The following GFPT2 variants were observed in gnomAD, a reference collection of about 807,000 sequenced individuals.
GFPT2 encodes the protein glutamine--fructose-6-phosphate transaminase 2, also known as glutamine--fructose-6-phosphate aminotransferase [isomerizing] 2.
GFPT2 carries 62 observed loss-of-function variants against 85.6 expected under a neutral mutation model. That is an observed-to-expected ratio of 0.72 (90% confidence interval 0.59 to 0.90). The LOEUF is 0.90. Among genes scored for constraint, GFPT2 ranks in the 40% least tolerant of loss-of-function variants. The pLI is 0.00. For missense variants in GFPT2, 788 were observed against 893.4 expected (o/e 0.88, Z 1.50); for synonymous variants, 368 against 344.5 (o/e 1.07, Z -0.75).
At chr5:180,322,568 A>G (rs192788321) in intron 9 of GFPT2, among the ~76,000 whole-genome samples, 2 of 152,346 alleles carry the variant, frequency 1.3e-5, no homozygotes, top group Admixed American at 1.3e-4. Flanking sequence ...TCCCACTTGA[A>G]CCAGATACAG....
chr5:180,349,878 GTTTTT>G (rs61294953), intron 1 of GFPT2, among the ~76,000 whole-genome samples: 2 of 146,056 alleles, frequency 1.4e-5, no homozygotes, highest in Admixed American at 1.4e-4. Context: ...CACAGTGATT[GTTTTT>G]TTTTTTTTCT....
intron 2 of GFPT2, among the ~76,000 whole-genome samples, chr5:180,337,081 T>G (rs1166066482): frequency 6.6e-6 from 1 of 152,198 alleles, no homozygotes; most frequent in Non-Finnish European, 1.5e-5. Flanking sequence ...AACATCCACC[T>G]TTGCAGTGAA....
At chr5:180,346,428 G>A (rs945071497) in intron 1 of GFPT2, among the ~76,000 whole-genome samples, 15 of 152,176 alleles carry the variant, frequency 9.9e-5, no homozygotes, top group Admixed American at 8.5e-4. Flanking sequence ...CCACGGGACA[G>A]TCCAGCTTCC....
chr5:180,322,393 T>C (rs1309569455), intron 9 of GFPT2, among the ~76,000 whole-genome samples: 2 of 152,238 alleles, frequency 1.3e-5, no homozygotes, highest in Non-Finnish European at 2.9e-5. Context: ...TAAATTTCTG[T>C]AGACTTCTCC....
At chr5:180,320,336 T>C (rs376812041) in intron 9 of GFPT2, among the ~76,000 whole-genome samples, 4 of 152,206 alleles carry the variant, frequency 2.6e-5, no homozygotes, top group African/African-American at 9.6e-5. Flanking sequence ...AAAAGAATAA[T>C]GATTTTTTTC....
In GFPT2 at chr5:180,324,077, T is replaced by C. The variant is rs1764167226; in HGVS notation, c.794+111A>G. ...CTGAACTCTTCTTTGGCCCTGCGAC[T>C]TGCTGAGCCACGATAGCTCACATGG... On this transcript the variant is annotated intron_variant, in intron 9 of 18. Transcript: ENST00000253778. 4.2e-6 allele frequency: 3 copies of C among 722,136 alleles called. No individual in the cohort carries two copies. In the Admixed American group the frequency reaches 7.0e-5, roughly 17 times the overall value. The allele number at this position is 722,136 out of a possible 1,614,324, so 44.7% of individuals were successfully genotyped here. A position where few individuals can be genotyped will look rare whatever the true frequency, so the allele number is the denominator to read the frequency against.
rs369235741 is a variant in GFPT2, at chr5:180,330,757, G to C, written c.477C>G (p.Asn159Lys). 3.7e-6 allele frequency: 6 copies of C among 1,612,618 alleles called. No homozygotes were observed. Among genetic ancestry groups the C allele is most frequent in the African/African-American group, 2.7e-5 (2 of 74,912 alleles). ...AAAACGTAATGTCCTCAGTTTCTCT[G>C]TTGTCGAACACATATTTAATCAGCT... ...IAKLIKYVFD[N>K]RETEDITFST... is the part of the protein sequence containing the mutation. The change falls in exon 6 of 19, where the codon AAC becomes AAG. Residue 159 changes from asparagine (N) to lysine (K), a missense_variant. Coordinates refer to ENST00000253778, the MANE Select transcript of GFPT2 (RefSeq NM_005110.4). The surrounding 1 kb of genome is among the most constrained non-coding windows in gnomAD (Gnocchi z 4.4).
chr5:180,334,691 C>T (rs887773290), intron 4 of GFPT2, among the ~76,000 whole-genome samples: 1 of 152,244 alleles, frequency 6.6e-6, no homozygotes, highest in African/African-American at 2.4e-5. Flanking sequence ...ACACCCTCCC[C>T]TGGCATGTCC....
At chr5:180,315,449 A>G (rs1763988828) in intron 13 of GFPT2, among the ~76,000 whole-genome samples, 1 of 152,184 alleles carries the variant, frequency 6.6e-6, no homozygotes, top group Admixed American at 6.5e-5. Flanking sequence ...AAGTGCTGGG[A>G]TTACAGGCGT....
Position 180,316,956 on chromosome 5 carries a change from G to C in GFPT2, c.1054+7C>G. ...GGCGGAGGCTCCCCACCGAGTGTAGGAATTACCTGTGTTGGTTTCAAAATT... is the reference window on the plus strand; with the variant it reads ...GGCGGAGGCTCCCCACCGAGTGTAGCAATTACCTGTGTTGGTTTCAAAATT... On this transcript the variant is annotated splice_region_variant and intron_variant, in intron 11 of 18. Transcript: ENST00000253778. The C allele has an allele frequency of 6.3e-7, 1 of 1,587,090 alleles. No individual in the cohort carries two copies. Among genetic ancestry groups the C allele is most frequent in the South Asian group, 1.1e-5 (1 of 90,526 alleles).
At position 180,316,393 on chromosome 5, in the gene GFPT2, G is replaced by A. The variant is rs1372446441; in HGVS notation, c.1221C>T (p.Asp407=). The A allele has an allele frequency of 6.2e-7, 1 of 1,613,992 alleles. No homozygotes were observed. The highest frequency in any genetic ancestry group is 2.2e-5 in the East Asian group (1 of 44,884). ...CATCCCTGAACACAGGTGTGTTCCT[G>A]TCCAGAAAATCACTAGCAAGTTCAA... ...VMVELASDFL[D]RNTPVFRDDV... Residue 407 remains aspartate, a synonymous_variant, in exon 13 of 19, where the codon GAC becomes GAT. Coordinates refer to ENST00000253778, the MANE Select transcript of GFPT2 (RefSeq NM_005110.4).
At chr5:180,348,845 A>G (rs1250872711) in intron 1 of GFPT2, among the ~76,000 whole-genome samples, 4 of 150,642 alleles carry the variant, frequency 2.7e-5, no homozygotes, top group East Asian at 3.9e-4. Flanking sequence ...GGGTTCAAGC[A>G]ATTCTCCTGC....
chr5:180,345,614 T>C (rs1371267040), intron 1 of GFPT2, among the ~76,000 whole-genome samples: 2 of 152,266 alleles, frequency 1.3e-5, no homozygotes, highest in African/African-American at 4.8e-5. Flanking sequence ...CTTGTCTTTT[T>C]CTTCGGCTCC....
chr5:180,312,977 G>A (rs949591972), intron 14 of GFPT2, among the ~76,000 whole-genome samples: 2 of 151,936 alleles, frequency 1.3e-5, no homozygotes, highest in South Asian at 2.1e-4. Flanking sequence ...GGGTTTCACC[G>A]TGTTAGCCAG....
At chr5:180,321,799 T>TA (rs1205606172) in intron 9 of GFPT2, among the ~76,000 whole-genome samples, 1 of 136,556 alleles carries the variant, frequency 7.3e-6, no homozygotes, top group Admixed American at 7.4e-5. Context: ...TTTGTTTTGT[T>TA]TTGAGACGGA....
chr5:180,330,962 G>T lies in GFPT2; in HGVS notation c.400-128C>A, dbSNP rs1764290126. The T allele has an allele frequency of 1.2e-6, 1 of 827,964 alleles. No individual in the cohort carries two copies. Among genetic ancestry groups the T allele is most frequent in the South Asian group, 1.8e-5 (1 of 54,512 alleles). The allele number at this position is 827,964 out of a possible 1,614,324, so 51.3% of individuals were successfully genotyped here. A position where few individuals can be genotyped will look rare whatever the true frequency, so the allele number is the denominator to read the frequency against. ...GTCAAGAACAGGGAAAACCGGGAAG[G>T]GGGGAAAAATGTTTGCCAGCATCAC... is the stretch of plus-strand genomic sequence containing the variant. On this transcript the variant is annotated intron_variant, in intron 5 of 18. Transcript: ENST00000253778. This position sits in a 1 kb window ranked among gnomAD's most constrained non-coding sequence, Gnocchi z 4.4.
chr5:180,306,888 C>T (rs945095242), intron 16 of GFPT2, among the ~76,000 whole-genome samples: 1 of 152,218 alleles, frequency 6.6e-6, no homozygotes, highest in East Asian at 1.9e-4. Context: ...CCAAGTGGAC[C>T]CTGGCAGTGC....
chr5:180,349,365 A>C lies in GFPT2; in HGVS notation c.7+3846T>G, dbSNP rs149201505. On this transcript the variant is annotated intron_variant, in intron 1 of 18. Transcript: ENST00000253778. ...TTGTTTTATTGTGAAATTCATTTTCAGAATTTTCTCTCAAACTTATAACCT... is the reference window on the plus strand; with the variant it reads ...TTGTTTTATTGTGAAATTCATTTTCCGAATTTTCTCTCAAACTTATAACCT... Among the ~76,000 whole-genome samples the C allele has an allele frequency of 3.8e-4, 58 of 152,348 alleles. No homozygotes were observed. The East Asian group carries it at 9.1e-3, about 24-fold the overall frequency.
intron 1 of GFPT2, chr5:180,352,341 A>T (rs77813287): frequency 7.6e-6 from 1 of 131,896 alleles, no homozygotes; most frequent in Non-Finnish European, 1.7e-5. Context: ...TACTCAAGGA[A>T]AAAAAAAAAA....
Sources: gnomAD v4.1 joint callset for allele counts (sites outside exome capture counted in the v4.1 genomes callset) on GRCh38, gnomAD v4.1.1 for gene constraint, Gnocchi (gnomAD v3.1) non-coding constraint, MANE v1.5 for transcripts, NCBI Gene and HGNC (gene_info 2026-07-23, HGNC 2026-07-21) for gene names.